CCDC192: variants seen among roughly 807,000 people sequenced by gnomAD.
The protein encoded by CCDC192 is coiled-coil domain containing 192.
At chr5:127,923,530 A>G (rs963034072) in intron 6 of CCDC192, among the ~76,000 whole-genome samples, 2 of 152,078 alleles carry the variant, frequency 1.3e-5, no homozygotes, top group Non-Finnish European at 2.9e-5. Flanking sequence ...GGCGCCCGCC[A>G]CCATGCCCTG....
At chr5:127,733,688 C>G (rs913976339) in intron 2 of CCDC192, among the ~76,000 whole-genome samples, 4 of 152,114 alleles carry the variant, frequency 2.6e-5, no homozygotes, top group African/African-American at 9.7e-5. Context: ...CTGCTGCCAC[C>G]AGACCTATAA....
intron 3 of CCDC192, among the ~76,000 whole-genome samples, chr5:127,769,491 T>C (rs771874774): frequency 5.3e-5 from 8 of 151,930 alleles, no homozygotes; most frequent in African/African-American, 1.7e-4. Flanking sequence ...CAATATGTGA[T>C]TGGCATTTAA....
chr5:127,883,151 T>A (rs1752422310), intron 6 of CCDC192, among the ~76,000 whole-genome samples: 1 of 152,228 alleles, frequency 6.6e-6, no homozygotes, highest in Non-Finnish European at 1.5e-5. Flanking sequence ...CTCTCTACTA[T>A]GTCCAAGGGT....
At chr5:127,887,304 G>A (rs954798587) in intron 6 of CCDC192, among the ~76,000 whole-genome samples, 1 of 125,562 alleles carries the variant, frequency 8.0e-6, no homozygotes, top group Admixed American at 9.7e-5. Flanking sequence ...ACTCCAGCCT[G>A]GGTAACAGAG....
intron 5 of CCDC192, among the ~76,000 whole-genome samples, chr5:127,857,960 G>A (rs181705825): frequency 3.3e-5 from 5 of 152,262 alleles, no homozygotes; most frequent in East Asian, 3.9e-4. Context: ...GGGCACTATA[G>A]CCTGGCCAAT....
chr5:127,704,511 A>G (rs1208225235), intron 1 of CCDC192, among the ~76,000 whole-genome samples: 1 of 151,976 alleles, frequency 6.6e-6, no homozygotes, highest in Admixed American at 6.6e-5. Flanking sequence ...TTTAAAATGT[A>G]TTTTCCTTAT....
chr5:127,876,099 T>G, intron 6 of CCDC192, among the ~76,000 whole-genome samples: 1 of 122,588 alleles, frequency 8.2e-6, no homozygotes, highest in South Asian at 2.6e-4. Flanking sequence ...AATAGGCAAA[T>G]GAACCAGAAA....
chr5:127,761,689 C>T lies in CCDC192; in HGVS notation c.222+7314C>T, dbSNP rs556264847. 4.6e-5 allele frequency among the ~76,000 whole-genome samples: 7 copies of T among 152,156 alleles called. No individual in the cohort carries two copies. In the East Asian group the frequency reaches 5.8e-4, roughly 13 times the overall value. ...CTTCAAGATGGCATTTTCAAAGAAACGGGAGGATTTTAATAGTTTACTTTC... is the reference window on the plus strand; with the variant it reads ...CTTCAAGATGGCATTTTCAAAGAAATGGGAGGATTTTAATAGTTTACTTTC... On this transcript the variant is annotated intron_variant, in intron 3 of 6. Transcript: ENST00000514853.
At chr5:127,800,376 G>GAAAAA (rs1168212422) in intron 5 of CCDC192, among the ~76,000 whole-genome samples, 545 of 19,420 alleles carry the variant, frequency 0.028, 13 homozygotes, top group African/African-American at 0.037. Context: ...GAGGTATTCT[G>GAAAAA]AAAAAAAAAA....
chr5:127,934,143 C>G (rs1400110205), intron 6 of CCDC192, among the ~76,000 whole-genome samples: 3 of 152,094 alleles, frequency 2.0e-5, no homozygotes, highest in African/African-American at 7.2e-5. Flanking sequence ...TACCCCATGT[C>G]ATTCAGGCTG....
At position 127,728,193 on chromosome 5, in the gene CCDC192, AC is replaced by A. The variant is rs373963498; in HGVS notation, c.114+20437del. 3.8e-3 allele frequency among the ~76,000 whole-genome samples: 585 copies of A among 152,272 alleles called. 3 individuals are homozygous for A. The highest frequency in any genetic ancestry group is 0.013 in the African/African-American group (554 of 41,548). ...CATTCAAAGTTAGGAAATCCAGAGA[AC>A]CCCAATAAGATACTCCATGAAAAGG... On this transcript the variant is annotated intron_variant, in intron 2 of 6. Transcript: ENST00000514853.
At chr5:127,850,612 T>C (rs911826341) in intron 5 of CCDC192, among the ~76,000 whole-genome samples, 1 of 152,018 alleles carries the variant, frequency 6.6e-6, no homozygotes, top group Non-Finnish European at 1.5e-5. Flanking sequence ...AGTTGAGAGT[T>C]TGAGATGCAC....
At chr5:127,786,348 G>A in intron 3 of CCDC192, 1 of 623,752 alleles carries the variant, frequency 1.6e-6, no homozygotes, top group Non-Finnish European at 3.0e-6. Context: ...AAAAAAAAAA[G>A]AGAGAGATTC....
rs1278590971 is a variant in CCDC192, at chr5:127,750,626, A to T, written c.115-3642A>T. On this transcript the variant is annotated intron_variant, in intron 2 of 6. Transcript: ENST00000514853. ...GTGGAGAGTTCTGTAGATGTCTATT[A>T]GGTCCGCTTGGTGCAGAGCTGAGTT... Among the ~76,000 whole-genome samples the T allele has an allele frequency of 2.5e-3, 361 of 147,226 alleles. 1 individual carries two copies. Among genetic ancestry groups the T allele is most frequent in the African/African-American group, 7.5e-3 (300 of 39,794 alleles).
Position 127,800,906 on chromosome 5 carries a change from C to A in CCDC192, c.411+2744C>A, listed in dbSNP as rs6893913. 1.1e-4 allele frequency among the ~76,000 whole-genome samples: 16 copies of A among 152,096 alleles called. No homozygotes were observed. The East Asian group carries it at 3.1e-3, about 29-fold the overall frequency. On this transcript the variant is annotated intron_variant, in intron 5 of 6. Coordinates refer to ENST00000514853, the MANE Select transcript of CCDC192 (RefSeq NM_001317938.2). ...TGCCACTTCTCTAGCTCTTTTTAAT[C>A]GTCTTATATTTTAATTATTGTAACT...
intron 6 of CCDC192, among the ~76,000 whole-genome samples, chr5:127,918,096 C>G (rs1753579608): frequency 6.6e-6 from 1 of 151,990 alleles, no homozygotes; most frequent in South Asian, 2.1e-4. Context: ...GATCGCACCA[C>G]TGCATTCCAG....
intron 2 of CCDC192, among the ~76,000 whole-genome samples, chr5:127,742,835 T>C (rs1753499212): frequency 6.6e-6 from 1 of 152,212 alleles, no homozygotes; most frequent in Admixed American, 6.5e-5. Context: ...AAATTCACAA[T>C]GTTCTCTTTA....
intron 6 of CCDC192, among the ~76,000 whole-genome samples, chr5:127,890,064 C>T (rs1359119512): frequency 6.6e-6 from 1 of 152,076 alleles, no homozygotes; most frequent in Non-Finnish European, 1.5e-5. Flanking sequence ...CCAAATGGAT[C>T]TGGATCTCAC....
In CCDC192 at chr5:127,920,145, A is replaced by C. The variant is rs1249933880; in HGVS notation, c.536-21037A>C. On this transcript the variant is annotated intron_variant, in intron 6 of 6. Transcript: ENST00000514853. ...TTCTTACACCAGTTGTTAACATAGA[A>C]CCATTTTAGAAATAGTTCTTTTTCA... Among the ~76,000 whole-genome samples, 5 of 152,310 alleles carry C rather than the reference A, an allele frequency of 3.3e-5. No homozygotes were observed. In the South Asian group the frequency reaches 1.0e-3, roughly 32 times the overall value.
Sources: allele counts gnomAD v4.1 joint callset (sites outside exome capture counted in the v4.1 genomes callset), GRCh38; gene constraint gnomAD v4.1.1; transcripts MANE v1.5; gene names NCBI Gene and HGNC (gene_info 2026-07-23, HGNC 2026-07-21).